DNM3: variants seen among roughly 807,000 people sequenced by gnomAD.
DNM3 encodes dynamin-3.
DNM3 carries 47 observed loss-of-function variants against 101.6 expected under a neutral mutation model. The observed-to-expected ratio is 0.46, with a 90% CI of 0.37 to 0.59. The LOEUF (loss-of-function observed/expected upper bound fraction) is 0.59. Among genes scored for constraint, DNM3 ranks in the 20% least tolerant of loss-of-function variants. DNM3 has a pLI of 0.00. For synonymous variants in DNM3, 385 were observed against 387.9 expected (o/e 0.99, Z 0.09); for missense variants, 849 against 1,085.7 (o/e 0.78, Z 3.06).
chr1:171,910,569 A>G (rs2039213369), intron 1 of DNM3, among the ~76,000 whole-genome samples: 1 of 152,218 alleles, frequency 6.6e-6, no homozygotes, highest in Non-Finnish European at 1.5e-5. Flanking sequence ...CTAAAGCTAC[A>G]TGCTTACCTG....
At chr1:172,243,875 A>G (rs1231606294) in intron 14 of DNM3, among the ~76,000 whole-genome samples, 2 of 151,418 alleles carry the variant, frequency 1.3e-5, no homozygotes, top group Admixed American at 1.3e-4. Context: ...CTTTTTTTTT[A>G]TTATTATACT....
In DNM3 at chr1:172,412,709, T is replaced by C. The variant is rs185848368; in HGVS notation, c.*4868T>C. 1.0e-3 allele frequency: 1,030 copies of C among 985,788 alleles called. No homozygotes were observed. The highest frequency in any genetic ancestry group is 1.2e-3 in the Non-Finnish European group (1,002 of 829,862). 61.1% of individuals were successfully genotyped at this position (985,788 alleles called of 1,614,324 possible). On this transcript the variant is annotated 3_prime_UTR_variant, in exon 21 of 21. Coordinates refer to ENST00000627582, the MANE Select transcript of DNM3 (RefSeq NM_015569.5). ...TCTGAAGCTGAAATAAATTATAACATTTGAAGGACCCCTTTTCCTCATTCT... is the reference window on the plus strand; with the variant it reads ...TCTGAAGCTGAAATAAATTATAACACTTGAAGGACCCCTTTTCCTCATTCT...
At chr1:172,222,031 A>G (rs1049329480) in intron 14 of DNM3, among the ~76,000 whole-genome samples, 8 of 152,244 alleles carry the variant, frequency 5.3e-5, no homozygotes, top group Middle Eastern at 6.8e-3. Context: ...ATATTATTTC[A>G]ATGGGAATAG....
intron 2 of DNM3, among the ~76,000 whole-genome samples, chr1:171,923,369 T>C (rs1176981304): frequency 3.3e-5 from 5 of 152,208 alleles, no homozygotes; most frequent in Admixed American, 3.3e-4. Flanking sequence ...TTATTTGCCT[T>C]TGTATTACTG....
intron 4 of DNM3, among the ~76,000 whole-genome samples, chr1:172,021,144 A>AT (rs2047824017): frequency 6.6e-6 from 1 of 152,184 alleles, no homozygotes; most frequent in Admixed American, 6.5e-5. Flanking sequence ...TACATGCCAG[A>AT]TAGGAGTCCT....
At chr1:172,139,971 T>C (rs2148147423) in intron 14 of DNM3, 1 of 152,028 alleles carries the variant, frequency 6.6e-6, no homozygotes, top group East Asian at 1.9e-4. Context: ...TAGTCAAAAT[T>C]CCAGTAAGTA....
At chr1:171,992,222 A>G (rs920537915) in intron 4 of DNM3, among the ~76,000 whole-genome samples, 7 of 152,182 alleles carry the variant, frequency 4.6e-5, no homozygotes, top group Non-Finnish European at 1.5e-5. Flanking sequence ...AGGGAATATT[A>G]ATGGGCAGTA....
chr1:171,902,056 C>G (rs1171518495), intron 1 of DNM3, among the ~76,000 whole-genome samples: 1 of 152,142 alleles, frequency 6.6e-6, no homozygotes, highest in African/African-American at 2.4e-5. Context: ...CTGTATTGCC[C>G]TGTGAAATCA....
At chr1:172,244,682 A>C (rs904394634) in intron 14 of DNM3, among the ~76,000 whole-genome samples, 4 of 152,144 alleles carry the variant, frequency 2.6e-5, no homozygotes, top group Admixed American at 1.3e-4. Context: ...TTAGAATGGC[A>C]ATCATTAAAA....
At chr1:171,949,331 G>A (rs2042356285) in intron 2 of DNM3, among the ~76,000 whole-genome samples, 1 of 152,104 alleles carries the variant, frequency 6.6e-6, no homozygotes, top group Non-Finnish European at 1.5e-5. Context: ...GGCATAAGAA[G>A]GGGTAGCAAA....
intron 17 of DNM3, among the ~76,000 whole-genome samples, chr1:172,356,890 G>T (rs995836632): frequency 1.3e-5 from 2 of 152,038 alleles, no homozygotes; most frequent in African/African-American, 4.8e-5. Flanking sequence ...AATGTCTCAT[G>T]ATGCTAGAAA....
chr1:171,943,338 G>C (rs985827552), intron 2 of DNM3, among the ~76,000 whole-genome samples: 4 of 152,108 alleles, frequency 2.6e-5, no homozygotes, highest in Non-Finnish European at 5.9e-5. Context: ...TGAGAAACTA[G>C]TTCAGGACAT....
chr1:172,034,399 T>C (rs892803041), intron 6 of DNM3, among the ~76,000 whole-genome samples: 12 of 152,082 alleles, frequency 7.9e-5, no homozygotes, highest in Non-Finnish European at 1.6e-4. Flanking sequence ...CTTTAACAGC[T>C]GTATTTGCCT....
chr1:172,153,454 C>T (rs1416721117), intron 14 of DNM3, among the ~76,000 whole-genome samples: 1 of 152,082 alleles, frequency 6.6e-6, no homozygotes, highest in Non-Finnish European at 1.5e-5. Flanking sequence ...GTGTTAATTT[C>T]CCATACTTCA....
At chr1:172,253,751 A>G (rs2062281888) in intron 15 of DNM3, 69 bp downstream of exon 15, 5 of 1,021,948 alleles carry the variant, frequency 4.9e-6, no homozygotes, top group Non-Finnish European at 1.4e-6. Flanking sequence ...CAGAGATCAT[A>G]TTTGAAAATA....
In DNM3 at chr1:172,312,135, T is replaced by C. The variant is rs188491245; in HGVS notation, c.1881+3296T>C. Among the ~76,000 whole-genome samples, 10 of 152,342 alleles carry C rather than the reference T, an allele frequency of 6.6e-5. No individual in the cohort carries two copies. In the East Asian group the frequency reaches 1.9e-3, roughly 29 times the overall value. On this transcript the variant is annotated intron_variant, in intron 16 of 20. Transcript: ENST00000627582. ...ATTATTTTTAGGTAGTTATTCCTAA[T>C]TTAGAAAGACTTGATGAAGTCAGAA...
intron 13 of DNM3, among the ~76,000 whole-genome samples, chr1:172,122,246 C>T (rs2056367088): frequency 6.6e-6 from 1 of 152,084 alleles, no homozygotes; most frequent in Admixed American, 6.5e-5. Context: ...ATATATATTA[C>T]AATTTTTTCC....
At chr1:172,191,951 G>T (rs983343936) in intron 14 of DNM3, among the ~76,000 whole-genome samples, 3 of 151,082 alleles carry the variant, frequency 2.0e-5, no homozygotes, top group African/African-American at 7.3e-5. Context: ...ATACCATCAT[G>T]TCATCTGCAC....
At chr1:172,056,454 T>C (rs1310423099) in intron 10 of DNM3, among the ~76,000 whole-genome samples, 1 of 152,130 alleles carries the variant, frequency 6.6e-6, no homozygotes, top group African/African-American at 2.4e-5. Flanking sequence ...TCTGACAGCT[T>C]TGAAGAGAGC....
Sources: gnomAD v4.1 joint callset for allele counts (sites outside exome capture counted in the v4.1 genomes callset) on GRCh38, gnomAD v4.1.1 for gene constraint, MANE v1.5 for transcripts, NCBI Gene and HGNC (gene_info 2026-07-23, HGNC 2026-07-21) for gene names.